TMEM131: variants seen among roughly 807,000 people sequenced by gnomAD.
The protein encoded by TMEM131 is transmembrane protein 131.
In TMEM131, 66 loss-of-function variants were observed where a neutral mutation model predicts 211.6. That is an observed-to-expected ratio of 0.31 (90% CI 0.26 to 0.38). TMEM131 has a LOEUF of 0.38. TMEM131 is among the 10% of genes least tolerant of loss of function. The pLI, the probability that TMEM131 is intolerant of heterozygous loss-of-function variation, is 1.00. For synonymous variants in TMEM131, 844 were observed against 841.3 expected (o/e 1.00, Z -0.06); for missense variants, 2,036 against 2,299.3 (o/e 0.89, Z 2.34).
At chr2:97,950,446 T>C (rs147692961) in intron 1 of TMEM131, among the ~76,000 whole-genome samples, 119 of 152,290 alleles carry the variant, frequency 7.8e-4, no homozygotes, top group Non-Finnish European at 1.1e-3. Flanking sequence ...TGACTGTCCT[T>C]GTGGCTTCTG....
At position 97,833,407 on chromosome 2, in the gene TMEM131, G is replaced by A; in HGVS notation, c.1032C>T (p.Asn344=). 2 of 1,352,148 alleles carry A rather than the reference G, an allele frequency of 1.5e-6. No homozygotes were observed. Among genetic ancestry groups the A allele is most frequent in the Non-Finnish European group, 2.1e-6 (2 of 975,116 alleles). 83.8% of individuals were successfully genotyped at this position (1,352,148 alleles called of 1,614,324 possible). The change falls in exon 11 of 41, where the codon AAC becomes AAT. Residue 344 remains asparagine, a synonymous_variant. Transcript: ENST00000186436. ...LRTQDLPKVL[N]LHLLNSGTKD... The stretch of plus-strand genomic sequence containing the variant: ...TTGTTCCTGAATTTAATAAATGAAG[G>A]TTTAAAACTTTTGGTAGATCTGTTA...
rs1256801088 is a variant in TMEM131, at chr2:97,942,999, AAAGAAAAG to A, written c.188-15520_188-15513del. On this transcript the variant is annotated intron_variant, in intron 1 of 40. Coordinates refer to ENST00000186436, the MANE Select transcript of TMEM131 (RefSeq NM_015348.2). Reference sequence around the variant, plus strand: ...AAGAAAGAAAGAAAAGAAAGAAAAGAAAGAAAAGAAAGAAAAGAAAAGAAAAGAAAAGA... The same window carrying A: ...AAGAAAGAAAGAAAAGAAAGAAAAGAAAAGAAAAGAAAAGAAAAGAAAAGA... Among the ~76,000 whole-genome samples, 69 of 43,106 alleles carry A rather than the reference AAAGAAAAG, an allele frequency of 1.6e-3. 2 individuals are homozygous for A. The highest frequency in any genetic ancestry group is 0.011 in the Admixed American group (59 of 5,296). The allele number at this position is 43,106 out of a possible 152,430, so 28.3% of individuals were successfully genotyped here. A position where few individuals can be genotyped will look rare whatever the true frequency, so the allele number is the denominator to read the frequency against.
At chr2:97,930,789 C>CA (rs1372647042) in intron 1 of TMEM131, among the ~76,000 whole-genome samples, 2 of 151,732 alleles carry the variant, frequency 1.3e-5, no homozygotes, top group African/African-American at 4.9e-5. Context: ...CTTCCTCTCC[C>CA]AAAAATATTT....
At chr2:97,888,504 C>CA (rs1250156568) in intron 3 of TMEM131, among the ~76,000 whole-genome samples, 4 of 152,024 alleles carry the variant, frequency 2.6e-5, no homozygotes, top group African/African-American at 9.7e-5. Context: ...TATATGAAGA[C>CA]AAAAATCACA....
Position 97,921,609 on chromosome 2 carries a change from G to T in TMEM131, c.249+5817C>A, listed in dbSNP as rs144072836. 6.3e-3 allele frequency among the ~76,000 whole-genome samples: 956 copies of T among 152,262 alleles called. 7 individuals are homozygous for T. The highest frequency in any genetic ancestry group is 9.6e-3 in the Non-Finnish European group (654 of 68,014). ...ATTTTCAATATATGTAACCAATAAA[G>T]AACTCATGTAATGGAACTGATTTTT... is the stretch of plus-strand genomic sequence containing the variant. On this transcript the variant is annotated intron_variant, in intron 2 of 40. Coordinates refer to ENST00000186436, the MANE Select transcript of TMEM131 (RefSeq NM_015348.2).
In TMEM131 at chr2:97,758,983, A is replaced by G. The variant is rs745414379; in HGVS notation, c.5277T>C (p.Asn1759=). The G allele has an allele frequency of 2.5e-6, 4 of 1,614,006 alleles. No individual in the cohort carries two copies. The highest frequency in any genetic ancestry group is 2.2e-5 in the South Asian group (2 of 91,086). ...QASQRSWNEF[N]SGPSYLWESP... is the part of the protein sequence containing the mutation. ...ACTCCCAAAGGTATGAAGGGCCACT[A>G]TTAAACTCGTTCCAGCTCCTCTGTG... The change falls in exon 40 of 41, where the codon AAT becomes AAC. Residue 1759 remains asparagine (N), a synonymous_variant. Transcript: ENST00000186436.
intron 1 of TMEM131, among the ~76,000 whole-genome samples, chr2:97,947,995 A>G (rs554259993): frequency 6.6e-6 from 1 of 152,312 alleles, no homozygotes; most frequent in South Asian, 2.1e-4. Context: ...AAGAAAAACA[A>G]AAGAGAATCT....
intron 5 of TMEM131, among the ~76,000 whole-genome samples, chr2:97,853,848 T>A (rs534604506): frequency 6.6e-6 from 1 of 151,774 alleles, no homozygotes; most frequent in African/African-American, 2.4e-5. Flanking sequence ...GGAAGAGGAG[T>A]TGTTTCTTAG....
intron 10 of TMEM131, 105 bp from the exon 11 acceptor site, chr2:97,833,531 T>C (rs970822242): frequency 1.6e-6 from 1 of 610,766 alleles, no homozygotes; most frequent in South Asian, 1.9e-5. Context: ...ATTTGTGAAA[T>C]ACAATGACAA....
chr2:97,790,717 T>A (rs1680464122), intron 31 of TMEM131, among the ~76,000 whole-genome samples: 1 of 152,218 alleles, frequency 6.6e-6, no homozygotes, highest in Admixed American at 6.5e-5. Flanking sequence ...TGTAACTTGA[T>A]CTAATTAAAA....
At position 97,856,135 on chromosome 2, in the gene TMEM131, A is replaced by G. The variant is rs533963956; in HGVS notation, c.483+3169T>C. Among the ~76,000 whole-genome samples the G allele has an allele frequency of 5.8e-4, 88 of 152,312 alleles. 3 individuals are homozygous for G. In the South Asian group the frequency reaches 0.018, roughly 31 times the overall value. On this transcript the variant is annotated intron_variant, in intron 5 of 40. Transcript: ENST00000186436. ...GTGTGTAAGGCACCCCATTTCCACA[A>G]TTGGACTTGTATAGAATATTATTAT...
intron 3 of TMEM131, 112 bp from the exon 4 acceptor site, chr2:97,888,232 G>A (rs1027779459): frequency 1.0e-5 from 8 of 765,940 alleles, no homozygotes; most frequent in Middle Eastern, 6.0e-4. Context: ...AAGAAAAATT[G>A]GGTCTAACAA....
In TMEM131 at chr2:97,995,691, AGGTCCGGCGCGGCCCTTCTCGGCGAGGC is replaced by A; in HGVS notation, c.-57_-30del. ...TGCCGGCCGGGGGCCGCCGCGCTCGAGGTCCGGCGCGGCCCTTCTCGGCGAGGCGGCGGCGGCGCGGAAGCCGTGGTCC... is the reference window on the plus strand; with the variant it reads ...TGCCGGCCGGGGGCCGCCGCGCTCGAGGCGGCGGCGCGGAAGCCGTGGTCC... On this transcript the variant is annotated 5_prime_UTR_variant, in exon 1 of 41. Transcript: ENST00000186436. The A allele has an allele frequency of 2.5e-6, 3 of 1,189,270 alleles. No individual in the cohort carries two copies. The highest frequency in any genetic ancestry group is 3.1e-6 in the Non-Finnish European group (3 of 960,250). The allele number at this position is 1,189,270 out of a possible 1,614,324, so 73.7% of individuals were successfully genotyped here.
chr2:97,849,492 A>G (rs1315571516), intron 5 of TMEM131, among the ~76,000 whole-genome samples: 1 of 152,176 alleles, frequency 6.6e-6, no homozygotes, highest in Non-Finnish European at 1.5e-5. Context: ...TGGTTCCATT[A>G]ATACAGTCTT....
chr2:97,970,054 T>C (rs531721627), intron 1 of TMEM131, among the ~76,000 whole-genome samples: 1 of 152,326 alleles, frequency 6.6e-6, no homozygotes, highest in South Asian at 2.1e-4. Flanking sequence ...ACAGAAATGT[T>C]TCCAGAAACG....
rs1013087438 is a variant in TMEM131 at position 97,948,265 on chromosome 2, C to A, written c.188-20778G>T. ...ACTGTTACAAAAGTAAAAATACAAG[C>A]CACAGACTGGAAATAATATTTGCAA... is the stretch of plus-strand genomic sequence containing the variant. On this transcript the variant is annotated intron_variant, in intron 1 of 40. Coordinates refer to ENST00000186436, the MANE Select transcript of TMEM131 (RefSeq NM_015348.2). 1.1e-4 allele frequency among the ~76,000 whole-genome samples: 16 copies of A among 151,880 alleles called. 1 individual carries two copies. The highest frequency in any genetic ancestry group is 1.5e-5 in the Non-Finnish European group (1 of 67,972).
At chr2:97,876,354 T>C (rs1461227088) in intron 4 of TMEM131, among the ~76,000 whole-genome samples, 1 of 152,228 alleles carries the variant, frequency 6.6e-6, no homozygotes, top group Non-Finnish European at 1.5e-5. Context: ...TAACTCATTT[T>C]ATAAGGCCAG....
intron 5 of TMEM131, among the ~76,000 whole-genome samples, chr2:97,857,592 T>C (rs1673900053): frequency 6.6e-6 from 1 of 152,248 alleles, no homozygotes; most frequent in Admixed American, 6.5e-5. Context: ...CTTCACAATT[T>C]TGCCCTTTAA....
At chr2:97,966,468 A>G (rs1389975172) in intron 1 of TMEM131, among the ~76,000 whole-genome samples, 3 of 152,206 alleles carry the variant, frequency 2.0e-5, no homozygotes, top group East Asian at 1.9e-4. Context: ...TAAAAGGTAT[A>G]AACTACTTGA....
Sources: allele counts gnomAD v4.1 joint callset (sites outside exome capture counted in the v4.1 genomes callset), GRCh38; gene constraint gnomAD v4.1.1; transcripts MANE v1.5; gene names NCBI Gene and HGNC (gene_info 2026-07-23, HGNC 2026-07-21).